Variants in PRKCB observed in about 807,000 individuals in gnomAD.
PRKCB encodes the protein protein kinase C beta type.
PRKCB carries 13 observed loss-of-function variants against 81.5 expected under a neutral mutation model. That is an observed-to-expected ratio of 0.16 (90% CI 0.10 to 0.25). PRKCB has a LOEUF of 0.25. Ranked by LOEUF, PRKCB falls within the 10% of genes least tolerant of loss-of-function variation. PRKCB has a pLI of 1.00. For missense variants in PRKCB, 509 were observed against 875.7 expected (o/e 0.58, Z 5.29); for synonymous variants, 335 against 321.4 (o/e 1.04, Z -0.45).
At chr16:24,100,043 C>T (rs890111332) in intron 7 of PRKCB, 1 of 151,158 alleles carries the variant, frequency 6.6e-6, no homozygotes, top group Non-Finnish European at 1.5e-5. Flanking sequence ...TATGGTGCAA[C>T]TTCACCTTTG....
chr16:23,997,154 T>C (rs1186954803), intron 3 of PRKCB, among the ~76,000 whole-genome samples: 2 of 152,172 alleles, frequency 1.3e-5, no homozygotes, highest in Non-Finnish European at 2.9e-5. Context: ...CACTTTGGGG[T>C]TCCCATGCCT....
intron 2 of PRKCB, among the ~76,000 whole-genome samples, chr16:23,978,795 A>G (rs1476852613): frequency 2.0e-5 from 3 of 152,202 alleles, no homozygotes; most frequent in African/African-American, 7.2e-5. Flanking sequence ...GTACTATCCA[A>G]TGTTGTCTCC....
chr16:24,018,843 G>A (rs895535146), intron 3 of PRKCB, among the ~76,000 whole-genome samples: 1 of 152,156 alleles, frequency 6.6e-6, no homozygotes, highest in Admixed American at 6.5e-5. Context: ...CTTTTCAAAT[G>A]TGCCATGCGT....
At chr16:23,895,451 A>G (rs1963363691) in intron 2 of PRKCB, among the ~76,000 whole-genome samples, 1 of 152,120 alleles carries the variant, frequency 6.6e-6, no homozygotes, top group African/African-American at 2.4e-5. Flanking sequence ...CTTGAGCTAA[A>G]TGTCCCTATG....
chr16:23,934,907 G>A (rs750788211), intron 2 of PRKCB, among the ~76,000 whole-genome samples: 1 of 152,150 alleles, frequency 6.6e-6, no homozygotes, highest in African/African-American at 2.4e-5. Context: ...TTTAGAAAAC[G>A]GAATTCTTAC....
intron 5 of PRKCB, among the ~76,000 whole-genome samples, chr16:24,060,618 T>C (rs34689745): frequency 0.011 from 1,678 of 152,226 alleles, 31 homozygotes; most frequent in South Asian, 0.015. Context: ...TTCCGTAGGA[T>C]TTGCCCTGAG....
At chr16:24,051,143 A>G (rs569323841) in intron 5 of PRKCB, among the ~76,000 whole-genome samples, 1 of 152,334 alleles carries the variant, frequency 6.6e-6, no homozygotes, top group South Asian at 2.1e-4. Context: ...TTACTCATAG[A>G]TGAGGAGCAG....
At chr16:24,090,696 G>A (rs919258395) in intron 5 of PRKCB, among the ~76,000 whole-genome samples, 1 of 152,188 alleles carries the variant, frequency 6.6e-6, no homozygotes, top group Non-Finnish European at 1.5e-5. Context: ...ATTTATTGCA[G>A]TAGAATAATA....
At chr16:23,982,051 CT>C (rs1393049456) in intron 2 of PRKCB, among the ~76,000 whole-genome samples, 2 of 120,906 alleles carry the variant, frequency 1.7e-5, no homozygotes, top group Admixed American at 8.2e-5. Flanking sequence ...TTCCCCTTCC[CT>C]TTCCCTTCCC....
intron 9 of PRKCB, among the ~76,000 whole-genome samples, chr16:24,153,209 C>A (rs990108321): frequency 6.6e-6 from 1 of 152,152 alleles, no homozygotes; most frequent in African/African-American, 2.4e-5. Flanking sequence ...TCCTCTGGTC[C>A]TCCAGCTGAG....
rs1009156292 is a variant in PRKCB at position 24,059,400 on chromosome 16, G to A, written c.529+23853G>A. Among the ~76,000 whole-genome samples the A allele has an allele frequency of 4.6e-5, 7 of 152,124 alleles. No homozygotes were observed. In the East Asian group the frequency reaches 1.3e-3, roughly 29 times the overall value. ...AGTCCAGGTGCAGTGGCTCATGTCT[G>A]TAATCCCAGCACTTTGGGAGTCTGA... is the stretch of plus-strand genomic sequence containing the variant. On this transcript the variant is annotated intron_variant, in intron 5 of 16. Transcript: ENST00000643927.
chr16:24,097,441 G>T (rs1966459574), intron 7 of PRKCB, among the ~76,000 whole-genome samples: 1 of 152,170 alleles, frequency 6.6e-6, no homozygotes, highest in Admixed American at 6.5e-5. Context: ...CTTAGCTTAT[G>T]GCAGAGGGTG....
intron 2 of PRKCB, among the ~76,000 whole-genome samples, chr16:23,905,012 T>C (rs1215564447): frequency 6.6e-6 from 1 of 151,880 alleles, no homozygotes; most frequent in Non-Finnish European, 1.5e-5. Context: ...GTTTTCTACA[T>C]TTCTTTCTTT....
rs188068343 is a variant in PRKCB, at chr16:23,942,411, A to G, written c.206-46097A>G. ...CAAAATGTTTAGCATTTGCACAGTT[A>G]GGTTCTCACCAATGGTGTGTTCCTT... On this transcript the variant is annotated intron_variant, in intron 2 of 16. Transcript: ENST00000643927. 1.2e-4 allele frequency among the ~76,000 whole-genome samples: 18 copies of G among 152,366 alleles called. No homozygotes were observed. The East Asian group carries it at 3.5e-3, about 29-fold the overall frequency.
chr16:23,973,472 C>T (rs942527888), intron 2 of PRKCB, among the ~76,000 whole-genome samples: 4 of 150,448 alleles, frequency 2.7e-5, no homozygotes, highest in South Asian at 2.1e-4. Flanking sequence ...CGTGAGCCAC[C>T]GGGCCCGGCC....
intron 2 of PRKCB, among the ~76,000 whole-genome samples, chr16:23,974,516 G>A (rs1964600586): frequency 6.6e-6 from 1 of 152,184 alleles, no homozygotes; most frequent in Non-Finnish European, 1.5e-5. Context: ...TCAGGACTGA[G>A]GCAGGCCGAC....
chr16:24,117,053 G>A (rs1034189516), intron 8 of PRKCB, among the ~76,000 whole-genome samples: 10 of 145,826 alleles, frequency 6.9e-5, no homozygotes, highest in Non-Finnish European at 1.3e-4. Context: ...AATTATAATC[G>A]CTGCATACTG....
At position 24,035,788 on chromosome 16, in the gene PRKCB, G is replaced by C. The variant is rs538507147; in HGVS notation, c.529+241G>C. Among the ~76,000 whole-genome samples the C allele has an allele frequency of 3.3e-5, 5 of 152,284 alleles. No individual in the cohort carries two copies. The East Asian group carries it at 7.7e-4, about 24-fold the overall frequency. ...TCCATCAGCACCCCAGGCTGACTTG[G>C]GTTCAGAGAGGAGACGTCTGAGTTC... On this transcript the variant is annotated intron_variant, in intron 5 of 16. Coordinates refer to ENST00000643927, the MANE Select transcript of PRKCB (RefSeq NM_002738.7).
In PRKCB at chr16:23,836,279, A is replaced by G. The variant is rs1962153958; in HGVS notation, c.104A>G (p.Lys35Arg). The G allele has an allele frequency of 1.2e-6, 2 of 1,605,282 alleles. No homozygotes were observed. The highest frequency in any genetic ancestry group is 1.7e-6 in the Non-Finnish European group (2 of 1,176,178). The change falls in exon 1 of 17, where the codon AAG becomes AGG. Residue 35 changes from lysine to arginine, a missense_variant. Physicochemically the swap from Lys to Arg is conservative, Grantham distance 26. Transcript: ENST00000643927. ...ALRQKNVHEV[K>R]NHKFTARFFK... ...CGGCAGAAGAACGTGCATGAGGTCA[A>G]GAACCACAAATTCACCGCCCGCTTC...
Sources: allele counts gnomAD v4.1 joint callset (sites outside exome capture counted in the v4.1 genomes callset), GRCh38; gene constraint gnomAD v4.1.1; transcripts MANE v1.5; gene names NCBI Gene and HGNC (gene_info 2026-07-23, HGNC 2026-07-21).